GPRC5B: variants seen among roughly 807,000 people sequenced by gnomAD.
GPRC5B encodes the protein G protein-coupled receptor class C group 5 member B, also known as G protein-coupled receptor family C group 5 member B.
A neutral mutation model predicts 30.1 loss-of-function variants in GPRC5B; 16 were observed. The observed-to-expected ratio is 0.53, with a 90% confidence interval of 0.36 to 0.81. GPRC5B has a LOEUF of 0.81. Ranked by LOEUF, GPRC5B falls within the 30% of genes least tolerant of loss-of-function variation. The pLI is 0.01. For synonymous variants in GPRC5B, 241 were observed against 239.5 expected, an observed-to-expected ratio of 1.01 and a Z score of -0.06; for missense variants, 428 against 544.7, an observed-to-expected ratio of 0.79 and a Z score of 2.13.
rs2056675309 is a variant in GPRC5B at position 19,867,296 on chromosome 16, TAA to T, written c.1030+4518_1030+4519del. Among the ~76,000 whole-genome samples the T allele has an allele frequency of 1.3e-5, 2 of 152,210 alleles. 1 individual carries two copies. Among genetic ancestry groups the T allele is most frequent in the Admixed American group, 1.3e-4 (2 of 15,290 alleles). On this transcript the variant is annotated intron_variant, in intron 2 of 3. Coordinates refer to ENST00000300571, the MANE Select transcript of GPRC5B (RefSeq NM_016235.3). ...TCAAACTCTTGGCTCTGCCTGGATT[TAA>T]ACTCTTCCTCTGCCTGGGTTCAAAT...
rs368640370 is a variant in GPRC5B at position 19,872,552 on chromosome 16, C to G, written c.294G>C (p.Leu98=). 1 of 1,614,126 alleles carries G rather than the reference C, an allele frequency of 6.2e-7. No individual in the cohort carries two copies. Among genetic ancestry groups the G allele is most frequent in the African/African-American group, 1.3e-5 (1 of 75,068 alleles). ...EKKSPVGLHF[L]FLLGTLGLFG... ...AGAGGCCCAGGGTCCCCAGGAGGAA[C>G]AGAAAGTGGAGGCCCACAGGGCTCT... is the stretch of plus-strand genomic sequence containing the variant. The change falls in exon 2 of 4, where the codon CTG becomes CTC. Residue 98 remains leucine (L), a synonymous_variant. Coordinates refer to ENST00000300571, the MANE Select transcript of GPRC5B (RefSeq NM_016235.3). This position sits in a 1 kb window ranked among gnomAD's most constrained non-coding sequence, Gnocchi z 5.0.
In GPRC5B at chr16:19,861,895, G is replaced by A. The variant is rs771728943; in HGVS notation, c.1109C>T (p.Pro370Leu). 7 of 1,612,980 alleles carry A rather than the reference G, an allele frequency of 4.3e-6. No individual in the cohort carries two copies. The highest frequency in any genetic ancestry group is 5.9e-6 in the Non-Finnish European group (7 of 1,179,166). Residue 370 changes from proline to leucine, a missense_variant, in exon 3 of 4, where the codon CCG becomes CTG. By Grantham distance (98) the Pro-to-Leu change is moderately conservative (BLOSUM62 -3). This residue lies in a region of GPRC5B where 213 missense variants were observed against 229.1 expected (regional missense o/e 0.93). Transcript: ENST00000300571. Reference sequence around the variant, plus strand: ...TGGCTGATACACGTTGCTTCTAAACGGAGCGCTGGGTCTTTTCCCCAAGCT... The same window carrying A: ...TGGCTGATACACGTTGCTTCTAAACAGAGCGCTGGGTCTTTTCCCCAAGCT... ...SGSLGKRPSAPFRSNVYQPTE... is the reference protein window; with the variant it reads ...SGSLGKRPSALFRSNVYQPTE...
At chr16:19,867,885 A>G (rs945679940) in intron 2 of GPRC5B, among the ~76,000 whole-genome samples, 6 of 152,032 alleles carry the variant, frequency 3.9e-5, no homozygotes, top group African/African-American at 1.2e-4. Flanking sequence ...GCCCATCTCT[A>G]CTAAAAATAC....
Position 19,872,184 on chromosome 16 carries a change from G to A in GPRC5B, c.662C>T (p.Thr221Ile), listed in dbSNP as rs2056725818. Residue 221 changes from threonine (T) to isoleucine (I), a missense_variant, in exon 2 of 4, where the codon ACT becomes ATT. This residue lies in a region of GPRC5B where 213 missense variants were observed against 229.1 expected (regional missense o/e 0.93). Coordinates refer to ENST00000300571, the MANE Select transcript of GPRC5B (RefSeq NM_016235.3). This position sits in a 1 kb window ranked among gnomAD's most constrained non-coding sequence, Gnocchi z 5.0. ...LVVTLGLALF[T>I]LCGKFKRWKL... Reference sequence around the variant, plus strand: ...CCACCTCTTGAACTTGCCGCACAGAGTGAAGAGGGCCAGCCCCAGGGTGAC... The same window carrying A: ...CCACCTCTTGAACTTGCCGCACAGAATGAAGAGGGCCAGCCCCAGGGTGAC... The A allele has an allele frequency of 1.2e-6, 2 of 1,614,202 alleles. No individual in the cohort carries two copies. Among genetic ancestry groups the A allele is most frequent in the Admixed American group, 1.7e-5 (1 of 60,032 alleles).
chr16:19,878,656 C>T (rs1168130927), intron 1 of GPRC5B, among the ~76,000 whole-genome samples: 1 of 152,136 alleles, frequency 6.6e-6, no homozygotes, highest in Non-Finnish European at 1.5e-5. Flanking sequence ...TCCCCCAACC[C>T]CTACCTCATG....
At chr16:19,862,079 C>G (rs1446485738) in intron 2 of GPRC5B, 106 bp from the exon 3 acceptor site, 14 of 889,394 alleles carry the variant, frequency 1.6e-5, no homozygotes, top group Non-Finnish European at 2.5e-5. Context: ...ATCCACCCAA[C>G]CCAGTGGCTC....
In GPRC5B at chr16:19,869,298, C is replaced by A. The variant is rs796406935; in HGVS notation, c.1030+2518G>T. Among the ~76,000 whole-genome samples the A allele has an allele frequency of 4.2e-5, 6 of 142,344 alleles. 1 individual carries two copies. Among genetic ancestry groups the A allele is most frequent in the African/African-American group, 1.6e-4 (6 of 37,220 alleles). The allele number at this position is 142,344 out of a possible 152,430, so 93.4% of individuals were successfully genotyped here. A position where few individuals can be genotyped will look rare whatever the true frequency, so the allele number is the denominator to read the frequency against. Reference sequence around the variant, plus strand: ...GAGCTGAGATAGAGCCACTGCACTCCAGTCCAGCCTGGGTGACAGAGTGAG... The same window carrying A: ...GAGCTGAGATAGAGCCACTGCACTCAAGTCCAGCCTGGGTGACAGAGTGAG... On this transcript the variant is annotated intron_variant, in intron 2 of 3. Coordinates refer to ENST00000300571, the MANE Select transcript of GPRC5B (RefSeq NM_016235.3).
At chr16:19,879,069 T>C (rs1196444639) in intron 1 of GPRC5B, among the ~76,000 whole-genome samples, 1 of 151,878 alleles carries the variant, frequency 6.6e-6, no homozygotes, top group Non-Finnish European at 1.5e-5. Context: ...AGGCAGGCAA[T>C]GCCCACGATC....
chr16:19,877,481 G>A (rs1454824397), intron 1 of GPRC5B, among the ~76,000 whole-genome samples: 1 of 152,100 alleles, frequency 6.6e-6, no homozygotes, highest in Non-Finnish European at 1.5e-5. Context: ...CAATGTCCAG[G>A]ATGTTTGGGG....
Position 19,872,049 on chromosome 16 carries a change from G to A in GPRC5B, c.797C>T (p.Ala266Val). The A allele has an allele frequency of 6.2e-7, 1 of 1,613,990 alleles. No individual in the cohort carries two copies. Among genetic ancestry groups the A allele is most frequent in the South Asian group, 1.1e-5 (1 of 91,076 alleles). The change falls in exon 2 of 4, where the codon GCC (alanine) becomes GTC (valine). Residue 266 changes from alanine to valine, a missense_variant. This residue lies in a region of GPRC5B where 213 missense variants were observed against 229.1 expected (regional missense o/e 0.93). Transcript: ENST00000300571. The surrounding 1 kb of genome is among the most constrained non-coding windows in gnomAD (Gnocchi z 5.0). Reference protein sequence around the residue: ...FGNVKLQQGDAWNDPTLAITL... With the variant: ...FGNVKLQQGDVWNDPTLAITL... Reference sequence around the variant, plus strand: ...GATGGCCAAGGTGGGGTCGTTCCAGGCATCCCCCTGCTGCAGCTTGACATT... The same window carrying A: ...GATGGCCAAGGTGGGGTCGTTCCAGACATCCCCCTGCTGCAGCTTGACATT...
chr16:19,873,501 G>C (rs2056739517), intron 1 of GPRC5B, among the ~76,000 whole-genome samples: 1 of 151,840 alleles, frequency 6.6e-6, no homozygotes, highest in Non-Finnish European at 1.5e-5. Flanking sequence ...GAAAAATAAG[G>C]GGAAAAAAAT....
rs2056722062 is a variant in GPRC5B, at chr16:19,871,867, G to T, written c.979C>A (p.Pro327Thr). The T allele has an allele frequency of 6.2e-7, 1 of 1,614,006 alleles. No homozygotes were observed. Among genetic ancestry groups the T allele is most frequent in the East Asian group, 2.2e-5 (1 of 44,876 alleles). ...ETAFEEDVQLPRAYMENKAFS... is the reference protein window; with the variant it reads ...ETAFEEDVQLTRAYMENKAFS... ...GCCTTGTTCTCCATATAGGCCCGCG[G>T]CAGCTGCACGTCCTCCTCGAAGGCC... Residue 327 changes from proline (P) to threonine (T), a missense_variant, in exon 2 of 4, where the codon CCG (proline) becomes ACG (threonine). Physicochemically the swap from Pro to Thr is conservative, Grantham distance 38. Transcript: ENST00000300571.
chr16:19,866,315 C>T (rs1348267862), intron 2 of GPRC5B, among the ~76,000 whole-genome samples: 2 of 152,024 alleles, frequency 1.3e-5, no homozygotes, highest in African/African-American at 4.8e-5. Flanking sequence ...AACCGTTGCC[C>T]CTGGGCAAAG....
Position 19,856,842 on chromosome 16 carries a change from A to C in GPRC5B, c.*3658T>G. 2.9e-6 allele frequency: 1 copy of C among 340,260 alleles called. No homozygotes were observed. The allele number at this position is 340,260 out of a possible 1,614,324, so 21.1% of individuals were successfully genotyped here. Reference sequence around the variant, plus strand: ...TACACCAGCTGCTGTTAAAATGTACAATGAACTCTAGTCCCAAGGAATACA... The same window carrying C: ...TACACCAGCTGCTGTTAAAATGTACCATGAACTCTAGTCCCAAGGAATACA... On this transcript the variant is annotated 3_prime_UTR_variant, in exon 4 of 4. Transcript: ENST00000300571.
chr16:19,879,861 C>T (rs570070285), intron 1 of GPRC5B, among the ~76,000 whole-genome samples: 4 of 152,244 alleles, frequency 2.6e-5, no homozygotes, highest in Admixed American at 6.5e-5. Context: ...AGGCCAAGCG[C>T]CGTAGCTCAC....
intron 1 of GPRC5B, among the ~76,000 whole-genome samples, chr16:19,874,029 C>T (rs879545823): frequency 3.3e-5 from 5 of 152,088 alleles, no homozygotes; most frequent in African/African-American, 1.2e-4. Flanking sequence ...GTGATCCACC[C>T]GCCTCGGCCT....
chr16:19,872,502 A>C lies in GPRC5B; in HGVS notation c.344T>G (p.Ile115Ser). The C allele has an allele frequency of 6.2e-7, 1 of 1,613,970 alleles. No individual in the cohort carries two copies. The highest frequency in any genetic ancestry group is 8.5e-7 in the Non-Finnish European group (1 of 1,179,852). Residue 115 changes from isoleucine (I) to serine (S), a missense_variant, in exon 2 of 4, where the codon ATC becomes AGC. By Grantham distance (142) the Ile-to-Ser change is moderately radical. Coordinates refer to ENST00000300571, the MANE Select transcript of GPRC5B (RefSeq NM_016235.3). The surrounding 1 kb of genome is among the most constrained non-coding windows in gnomAD (Gnocchi z 5.0). ...GLFGLTFAFI[I>S]QEDETICSVR... is the part of the protein sequence containing the mutation. ...AGAGCAGATGGTCTCGTCCTCCTGG[A>C]TGATGAAGGCAAACGTCAGCCCAAA...
At chr16:19,885,335 G>C, upstream of GPRC5B, 4 of 1,211,004 alleles carry the variant, frequency 3.3e-6, no homozygotes, top group Non-Finnish European at 4.2e-6. This position sits in a 1 kb window ranked among gnomAD's most constrained non-coding sequence, Gnocchi z 5.3. Flanking sequence ...AGAGAGGATC[G>C]ATCCCGCCCG....
At chr16:19,883,672 C>A (rs1411544356) in intron 1 of GPRC5B, among the ~76,000 whole-genome samples, 1 of 152,228 alleles carries the variant, frequency 6.6e-6, no homozygotes, top group Admixed American at 6.5e-5. Flanking sequence ...GGCTGGGGCC[C>A]CAGGCGGGGA....
Sources: allele counts gnomAD v4.1 joint callset (sites outside exome capture counted in the v4.1 genomes callset), GRCh38; gene constraint gnomAD v4.1.1; regional missense constraint gnomAD v4.1.1; non-coding constraint Gnocchi (gnomAD v3.1); transcripts MANE v1.5; gene names NCBI Gene and HGNC (gene_info 2026-07-23, HGNC 2026-07-21).